Variants in API5 observed in about 807,000 individuals in gnomAD.
The protein encoded by API5 is apoptosis inhibitor 5, also known as FIF.
Under a neutral mutation model 71.9 loss-of-function variants are expected in API5, and 6 were observed. That is an observed-to-expected ratio of 0.08 (90% CI 0.05 to 0.16). The LOEUF (loss-of-function observed/expected upper bound fraction) is 0.16, where lower values mean the gene tolerates loss of function less well. API5 is among the 10% of genes least tolerant of loss of function. The pLI, the probability that API5 is intolerant of heterozygous loss-of-function variation, is 1.00. For missense variants in API5, 332 were observed against 612.8 expected (o/e 0.54, Z 4.84); for synonymous variants, 189 against 221.3 (o/e 0.85, Z 1.30).
rs1347138608 is a variant in API5 at position 43,343,116 on chromosome 11, A to T, written c.*606A>T. 1 of 157,156 alleles carries T rather than the reference A, an allele frequency of 6.4e-6. No individual in the cohort carries two copies. The highest frequency in any genetic ancestry group is 1.9e-4 in the East Asian group (1 of 5,326). The allele number at this position is 157,156 out of a possible 1,614,324, so 9.7% of individuals were successfully genotyped here. ...ACTTAATTCTTTTCCATATATTGTG[A>T]TACAAACTTTTGAATATGGAATCTT... On this transcript the variant is annotated 3_prime_UTR_variant, in exon 14 of 14. Transcript: ENST00000531273.
intron 11 of API5, chr11:43,332,159 G>A (rs1855279659): frequency 6.6e-6 from 1 of 152,170 alleles, no homozygotes; most frequent in African/African-American, 2.4e-5. Flanking sequence ...TGTGAATATA[G>A]GAATAAAGTC....
chr11:43,312,029 T>C lies in API5; in HGVS notation c.-99T>C, dbSNP rs878920892. 1.1e-5 allele frequency: 15 copies of C among 1,316,776 alleles called. No homozygotes were observed. In the South Asian group the frequency reaches 1.7e-4, roughly 15 times the overall value. 81.6% of individuals were successfully genotyped at this position (1,316,776 alleles called of 1,614,324 possible). A position where few individuals can be genotyped will look rare whatever the true frequency, so the allele number is the denominator to read the frequency against. On this transcript the variant is annotated 5_prime_UTR_variant, in exon 1 of 14. Transcript: ENST00000531273. ...CGGCTGCACTGGCGGCAGCTGGAGG[T>C]GTAATAGTGCGGGTAGTGGGTTTGG...
At chr11:43,312,968 G>A (rs150586757) in intron 1 of API5, among the ~76,000 whole-genome samples, 12,643 of 152,012 alleles carry the variant, frequency 0.083, 890 homozygotes, top group Admixed American at 0.23. Context: ...TTAGCCGGGC[G>A]TGGTGACACG....
At chr11:43,334,840 A>G (rs896803874) in intron 11 of API5, among the ~76,000 whole-genome samples, 11 of 151,944 alleles carry the variant, frequency 7.2e-5, no homozygotes, top group African/African-American at 2.4e-4. Flanking sequence ...TACTTTTCCT[A>G]TGGTGCTGGC....
At chr11:43,324,731 G>A (rs989299553) in intron 6 of API5, among the ~76,000 whole-genome samples, 2 of 152,058 alleles carry the variant, frequency 1.3e-5, no homozygotes, top group Admixed American at 1.3e-4. Context: ...AGGCTGGAGT[G>A]CAGTGGCATG....
chr11:43,312,819 C>T (rs1854530333), intron 1 of API5, among the ~76,000 whole-genome samples: 1 of 152,044 alleles, frequency 6.6e-6, no homozygotes. Context: ...GAAAGATAGG[C>T]ATTGTGAGGC....
chr11:43,336,158 C>G (rs1166773021), intron 13 of API5, 164 bp downstream of exon 13: 1 of 908,278 alleles, frequency 1.1e-6, no homozygotes, highest in African/African-American at 1.7e-5. Flanking sequence ...TATCCCATTC[C>G]TCTCTCATTC....
At chr11:43,335,758 T>C in intron 12 of API5, 100 bp from the exon 13 acceptor site, 1 of 1,300,490 alleles carries the variant, frequency 7.7e-7, no homozygotes, top group South Asian at 1.5e-5. Context: ...ATTATCCTCT[T>C]TAGGATGTCT....
At chr11:43,312,241 G>A in intron 1 of API5, 45 bp downstream of exon 1, 1 of 1,594,292 alleles carries the variant, frequency 6.3e-7, no homozygotes, top group African/African-American at 1.3e-5. Flanking sequence ...GCGCTCCGCG[G>A]CCTTTCGAAA....
At chr11:43,320,620 A>G (rs1854845128) in intron 2 of API5, among the ~76,000 whole-genome samples, 1 of 151,946 alleles carries the variant, frequency 6.6e-6, no homozygotes, top group Non-Finnish European at 1.5e-5. Context: ...AGTCCTAGCT[A>G]CTAGGGAGGC....
At position 43,344,304 on chromosome 11, in the gene API5, CTT is replaced by C. The variant is rs571755510; in HGVS notation, c.*1796_*1797del. On this transcript the variant is annotated 3_prime_UTR_variant, in exon 14 of 14. Coordinates refer to ENST00000531273, the MANE Select transcript of API5 (RefSeq NM_001142930.2). The stretch of plus-strand genomic sequence containing the variant: ...TAAACTCAGAACTGAGCAGAAGTGA[CTT>C]TACTTTCTCAAGTTTGATACTGAGT... The C allele has an allele frequency of 1.3e-3, 192 of 152,722 alleles. 1 individual carries two copies. Among genetic ancestry groups the C allele is most frequent in the African/African-American group, 4.3e-3 (178 of 41,556 alleles). 9.5% of individuals were successfully genotyped at this position (152,722 alleles called of 1,614,324 possible). A position where few individuals can be genotyped will look rare whatever the true frequency, so the allele number is the denominator to read the frequency against.
At chr11:43,317,584 T>C (rs1246158499) in intron 1 of API5, among the ~76,000 whole-genome samples, 1 of 152,204 alleles carries the variant, frequency 6.6e-6, no homozygotes, top group Non-Finnish European at 1.5e-5. Flanking sequence ...TGTATTCCCT[T>C]CACCTTCTTC....
At chr11:43,325,088 G>C (rs1182743381) in intron 6 of API5, among the ~76,000 whole-genome samples, 1 of 151,492 alleles carries the variant, frequency 6.6e-6, no homozygotes, top group African/African-American at 2.4e-5. Context: ...AAAAGTTCCT[G>C]GAAAATGCAT....
intron 2 of API5, 90 bp from the exon 3 acceptor site, chr11:43,320,731 T>TA (rs774106510): frequency 0.055 from 53,308 of 976,392 alleles, 5 homozygotes; most frequent in Non-Finnish European, 0.062. Flanking sequence ...ACCTTGTCTT[T>TA]AAAAAAAAAA....
At chr11:43,329,003 T>A (rs1437569309) in intron 9 of API5, 110 bp downstream of exon 9, 1 of 1,090,930 alleles carries the variant, frequency 9.2e-7, no homozygotes, top group Non-Finnish European at 1.3e-6. Flanking sequence ...CTTACCCCAG[T>A]GATACAGATT....
At position 43,342,721 on chromosome 11, in the gene API5, C is replaced by A. The variant is rs915895258; in HGVS notation, c.*211C>A. On this transcript the variant is annotated 3_prime_UTR_variant, in exon 14 of 14. Transcript: ENST00000531273. ...ACAGTGATATTTTTGGATGCTTTGT[C>A]TGCAATCTTGACTTGTTTTTGCAGT... 1.0e-5 allele frequency: 7 copies of A among 674,714 alleles called. No homozygotes were observed. Among genetic ancestry groups the A allele is most frequent in the Non-Finnish European group, 1.3e-5 (5 of 371,192 alleles). 41.8% of individuals were successfully genotyped at this position (674,714 alleles called of 1,614,324 possible). A position where few individuals can be genotyped will look rare whatever the true frequency, so the allele number is the denominator to read the frequency against.
At chr11:43,328,017 G>T in intron 8 of API5, 139 bp downstream of exon 8, 1 of 490,832 alleles carries the variant, frequency 2.0e-6, no homozygotes, top group South Asian at 4.1e-5. Flanking sequence ...TAGCTTCCTA[G>T]GCCACATGTT....
chr11:43,312,844 C>G (rs1409089681), intron 1 of API5, among the ~76,000 whole-genome samples: 2 of 152,092 alleles, frequency 1.3e-5, no homozygotes, highest in Non-Finnish European at 2.9e-5. Flanking sequence ...CTTGGTGGCT[C>G]ACGCCTGTAA....
intron 2 of API5, among the ~76,000 whole-genome samples, chr11:43,320,342 C>A (rs1854832515): frequency 6.6e-6 from 1 of 151,916 alleles, no homozygotes; most frequent in Non-Finnish European, 1.5e-5. Flanking sequence ...CCACGCCCGG[C>A]CAATTGGAGC....
Sources: gnomAD v4.1 joint callset for allele counts (sites outside exome capture counted in the v4.1 genomes callset) on GRCh38, gnomAD v4.1.1 for gene constraint, MANE v1.5 for transcripts, NCBI Gene and HGNC (gene_info 2026-07-23, HGNC 2026-07-21) for gene names.